The following ATXN1 variants were observed in gnomAD, a reference collection of about 807,000 sequenced individuals.
ATXN1 encodes the protein ataxin 1.
ATXN1 carries 8 observed loss-of-function variants against 56.4 expected under a neutral mutation model. The ratio of observed to expected loss-of-function variants is 0.14; its 90% CI spans 0.08 to 0.26. The LOEUF is 0.26. Among genes scored for constraint, ATXN1 ranks in the 10% least tolerant of loss-of-function variants. The pLI is 1.00. For missense variants in ATXN1, 987 were observed against 1,106.5 expected (o/e 0.89, Z 1.53); for synonymous variants, 514 against 494.6 (o/e 1.04, Z -0.52).
intron 3 of ATXN1, among the ~76,000 whole-genome samples, chr6:16,588,529 T>G (rs1380655135): frequency 6.6e-6 from 1 of 152,212 alleles, no homozygotes; most frequent in Non-Finnish European, 1.5e-5. Flanking sequence ...CAAGGGAGAC[T>G]TCCTCAGCCA....
chr6:16,665,630 C>G (rs1662941193), intron 2 of ATXN1, among the ~76,000 whole-genome samples: 1 of 152,192 alleles, frequency 6.6e-6, no homozygotes, highest in Non-Finnish European at 1.5e-5. Context: ...AGTAAAAGCA[C>G]AGAACTCTAG....
intron 6 of ATXN1, among the ~76,000 whole-genome samples, chr6:16,468,508 T>C (rs527706560): frequency 1.3e-5 from 2 of 152,272 alleles, no homozygotes; most frequent in South Asian, 2.1e-4. Flanking sequence ...TATTACCTTA[T>C]AAAGGGAAGT....
In ATXN1 at chr6:16,405,729, C is replaced by T. The variant is rs977334394; in HGVS notation, c.-160-77259G>A. ...TCCTGCCTTTGACTCTTATCATAGACTGCTTGCAGCTCATCCTGTCCTTGG... is the reference window on the plus strand; with the variant it reads ...TCCTGCCTTTGACTCTTATCATAGATTGCTTGCAGCTCATCCTGTCCTTGG... On this transcript the variant is annotated intron_variant, in intron 6 of 7. Coordinates refer to ENST00000436367, the MANE Select transcript of ATXN1 (RefSeq NM_001128164.2). Among the ~76,000 whole-genome samples, 3 of 152,182 alleles carry T rather than the reference C, an allele frequency of 2.0e-5. No homozygotes were observed. In the East Asian group the frequency reaches 5.8e-4, roughly 29 times the overall value.
intron 2 of ATXN1, among the ~76,000 whole-genome samples, chr6:16,695,216 T>C (rs1338779314): frequency 6.6e-6 from 1 of 152,212 alleles, no homozygotes; most frequent in African/African-American, 2.4e-5. Context: ...CTGAGAAACT[T>C]AGACTTACAA....
chr6:16,606,506 GTTTT>G (rs1009508544), intron 3 of ATXN1, among the ~76,000 whole-genome samples: 1 of 138,612 alleles, frequency 7.2e-6, no homozygotes, highest in African/African-American at 2.6e-5. Context: ...TTTGTTTGTG[GTTTT>G]TTTGTTTGTG....
chr6:16,665,204 G>C (rs1371877468), intron 2 of ATXN1, among the ~76,000 whole-genome samples: 2 of 152,130 alleles, frequency 1.3e-5, no homozygotes, highest in African/African-American at 4.8e-5. Context: ...TTTCTTAAAG[G>C]GGAGCAGCAC....
chr6:16,477,003 ACT>A (rs1286742039), intron 6 of ATXN1, among the ~76,000 whole-genome samples: 1 of 151,912 alleles, frequency 6.6e-6, no homozygotes, highest in African/African-American at 2.4e-5. Flanking sequence ...GACTACAAAA[ACT>A]CTTTTAGTCG....
chr6:16,397,267 TTTTTTTG>T (rs912170821), intron 6 of ATXN1, among the ~76,000 whole-genome samples: 2 of 151,850 alleles, frequency 1.3e-5, no homozygotes, highest in African/African-American at 4.8e-5. Flanking sequence ...TTGTTTTTTG[TTTTTTTG>T]TTTTTTGTTT....
At chr6:16,308,449 T>C (rs1248817181) in intron 7 of ATXN1, among the ~76,000 whole-genome samples, 1 of 152,066 alleles carries the variant, frequency 6.6e-6, no homozygotes, top group Non-Finnish European at 1.5e-5. Flanking sequence ...CTGAAGGCAC[T>C]TGAACATTCC....
chr6:16,335,998 C>T (rs997372350), intron 6 of ATXN1, among the ~76,000 whole-genome samples: 6 of 152,332 alleles, frequency 3.9e-5, no homozygotes, highest in East Asian at 1.9e-4. Context: ...TTTTAAGCCA[C>T]GATATGTTTT....
At chr6:16,655,121 G>A (rs1038731601) in intron 3 of ATXN1, among the ~76,000 whole-genome samples, 8 of 152,226 alleles carry the variant, frequency 5.3e-5, no homozygotes, top group South Asian at 4.2e-4. Flanking sequence ...CAGGCTGGCC[G>A]GTAACCAGTA....
intron 6 of ATXN1, among the ~76,000 whole-genome samples, chr6:16,443,334 A>G (rs899298336): frequency 6.6e-6 from 1 of 152,072 alleles, no homozygotes; most frequent in African/African-American, 2.4e-5. Context: ...GACAGACTTC[A>G]ACGACTTCAC....
In ATXN1 at chr6:16,671,038, A is replaced by G. The variant is rs1246750792; in HGVS notation, c.-614-13137T>C. On this transcript the variant is annotated intron_variant, in intron 2 of 7. Coordinates refer to ENST00000436367, the MANE Select transcript of ATXN1 (RefSeq NM_001128164.2). ...TCATTAGCATAAAAAAGCTTAGTGA[A>G]TAACTATTCTGAAATTTGCTTTTAT... is the stretch of plus-strand genomic sequence containing the variant. Among the ~76,000 whole-genome samples, 3 of 152,258 alleles carry G rather than the reference A, an allele frequency of 2.0e-5. No individual in the cohort carries two copies. In the East Asian group the frequency reaches 5.8e-4, roughly 29 times the overall value.
intron 6 of ATXN1, among the ~76,000 whole-genome samples, chr6:16,385,782 T>A (rs988530238): frequency 2.0e-5 from 3 of 152,198 alleles, no homozygotes; most frequent in African/African-American, 7.2e-5. Flanking sequence ...TGATTACAGG[T>A]TTGGCTTACT....
At chr6:16,755,373 T>G (rs889206131) in intron 1 of ATXN1, among the ~76,000 whole-genome samples, 17 of 152,130 alleles carry the variant, frequency 1.1e-4, no homozygotes, top group African/African-American at 4.1e-4. Flanking sequence ...AAATAATTTA[T>G]AGGACATTTT....
Position 16,422,392 on chromosome 6 carries a change from T to G in ATXN1, c.-161+63580A>C, listed in dbSNP as rs1010684007. Among the ~76,000 whole-genome samples the G allele has an allele frequency of 3.9e-5, 6 of 152,230 alleles. No homozygotes were observed. The East Asian group carries it at 7.7e-4, about 20-fold the overall frequency. On this transcript the variant is annotated intron_variant, in intron 6 of 7. Transcript: ENST00000436367. ...CCCATTCTCTCTCCTCTTCTGTAAC[T>G]TCTAAGACCTTTGCCTTAAGTGAAT...
chr6:16,709,504 TG>T (rs1201417536), intron 2 of ATXN1, among the ~76,000 whole-genome samples: 2 of 152,004 alleles, frequency 1.3e-5, no homozygotes, highest in East Asian at 3.8e-4. Context: ...CATGTTAAAA[TG>T]CATAGAATTG....
At chr6:16,672,143 C>G (rs1243918910) in intron 2 of ATXN1, among the ~76,000 whole-genome samples, 1 of 152,154 alleles carries the variant, frequency 6.6e-6, no homozygotes. Flanking sequence ...TATTCAAGTC[C>G]TAGGGCCTCT....
At chr6:16,384,224 C>T (rs1455515505) in intron 6 of ATXN1, among the ~76,000 whole-genome samples, 2 of 152,150 alleles carry the variant, frequency 1.3e-5, no homozygotes, top group African/African-American at 2.4e-5. Context: ...TTAAAAAATA[C>T]TCAGGACATG....
Sources: gnomAD v4.1 joint callset for allele counts (sites outside exome capture counted in the v4.1 genomes callset) on GRCh38, gnomAD v4.1.1 for gene constraint, MANE v1.5 for transcripts, NCBI Gene and HGNC (gene_info 2026-07-23, HGNC 2026-07-21) for gene names.